CROCC2: variants seen among roughly 807,000 people sequenced by gnomAD.
CROCC2 encodes ciliary rootlet coiled-coil, rootletin family member 2, also known as ciliary rootlet coiled-coil protein 2.
Under a neutral mutation model 177.6 loss-of-function variants are expected in CROCC2, and 163 were observed. The ratio of observed to expected loss-of-function variants is 0.92; its 90% CI spans 0.81 to 1.05. The LOEUF (loss-of-function observed/expected upper bound fraction) is 1.05, where lower values mean the gene tolerates loss of function less well. Among genes scored for constraint, CROCC2 ranks in the 50% least tolerant of loss-of-function variants. The pLI is 0.00. For missense variants in CROCC2, 1,929 were observed against 1,797.8 expected, an observed-to-expected ratio of 1.07 and a Z score of -1.32; for synonymous variants, 904 against 787.3, an observed-to-expected ratio of 1.15 and a Z score of -2.48.
At chr2:240,957,790 C>A (rs77806370) in intron 19 of CROCC2, among the ~76,000 whole-genome samples, 1 of 152,112 alleles carries the variant, frequency 6.6e-6, no homozygotes, top group African/African-American at 2.4e-5. Context: ...GCCCCTGAGG[C>A]CTGGAGGGTT....
chr2:240,983,725 C>T (rs2059818053), intron 28 of CROCC2: 5 of 860,366 alleles, frequency 5.8e-6, no homozygotes, highest in Non-Finnish European at 6.5e-6. Flanking sequence ...TCAGGACGCC[C>T]GCAGGTGGCC....
chr2:240,992,925 G>T, intron 31 of CROCC2, 141 bp from the exon 32 acceptor site: 1 of 619,888 alleles, frequency 1.6e-6, no homozygotes, highest in Non-Finnish European at 3.0e-6. Context: ...GGATGGCCAG[G>T]GCGGGAGGGA....
At position 240,973,550 on chromosome 2, in the gene CROCC2, C is replaced by T. The variant is rs903959901; in HGVS notation, c.4401+5288C>T. The stretch of plus-strand genomic sequence containing the variant: ...ACTGTGCCCACGTGCCACACCCACC[C>T]CCCCAGCTCCCCACATCCCCAGTGC... On this transcript the variant is annotated intron_variant, in intron 27 of 31. Coordinates refer to ENST00000690015, the MANE Select transcript of CROCC2 (RefSeq NM_001351305.2). This position sits in a 1 kb window ranked among gnomAD's most constrained non-coding sequence, Gnocchi z 4.7. 6.6e-6 allele frequency among the ~76,000 whole-genome samples: 1 copy of T among 152,172 alleles called. No individual in the cohort carries two copies. The highest frequency in any genetic ancestry group is 1.5e-5 in the Non-Finnish European group (1 of 68,036).
rs2059331876 is a variant in CROCC2, at chr2:240,918,099, T to C, written c.79-627T>C. Among the ~76,000 whole-genome samples the C allele has an allele frequency of 6.6e-6, 1 of 152,184 alleles. No individual in the cohort carries two copies. Among genetic ancestry groups the C allele is most frequent in the Non-Finnish European group, 1.5e-5 (1 of 68,038 alleles). ...GCCCACTTCTGGGCCTATTGGAGCC[T>C]CTTCCCTGGCAGTCGGCTTTCATGA... is the stretch of plus-strand genomic sequence containing the variant. On this transcript the variant is annotated intron_variant, in intron 1 of 31. Transcript: ENST00000690015. This position sits in a 1 kb window ranked among gnomAD's most constrained non-coding sequence, Gnocchi z 6.3.
At chr2:240,986,449 C>T (rs1002337952) in intron 28 of CROCC2, among the ~76,000 whole-genome samples, 1 of 152,102 alleles carries the variant, frequency 6.6e-6, no homozygotes, top group African/African-American at 2.4e-5. Context: ...AGAGTGGCCG[C>T]CAAGATCAAG....
chr2:240,911,806 T>C (rs1022504130), intron 1 of CROCC2, among the ~76,000 whole-genome samples: 3 of 152,184 alleles, frequency 2.0e-5, no homozygotes, highest in Non-Finnish European at 4.4e-5. Flanking sequence ...ACCCATGTTG[T>C]AGCAGGCGCC....
At chr2:240,967,590 G>A (rs1347369602) in intron 26 of CROCC2, 125 bp downstream of exon 26, 4 of 1,485,910 alleles carry the variant, frequency 2.7e-6, no homozygotes, top group East Asian at 2.5e-5. Flanking sequence ...GGGAGCCTGG[G>A]GGCAACACCC....
chr2:240,914,535 C>T (rs1408981070), intron 1 of CROCC2, among the ~76,000 whole-genome samples: 2 of 152,238 alleles, frequency 1.3e-5, no homozygotes, highest in Admixed American at 6.5e-5. Context: ...CAGCGCTCCT[C>T]GCGGCCACAC....
chr2:240,925,879 A>C lies in CROCC2; in HGVS notation c.644A>C (p.Gln215Pro). 9.8e-6 allele frequency: 7 copies of C among 711,702 alleles called. No individual in the cohort carries two copies. Among genetic ancestry groups the C allele is most frequent in the Non-Finnish European group, 1.8e-5 (7 of 382,866 alleles). The allele number at this position is 711,702 out of a possible 1,614,324, so 44.1% of individuals were successfully genotyped here. ...GAGCTGAGGCGCTGGGCCCAGAGACAGGTGCTCCCCCAACCCTTGCTCACC... is the reference window on the plus strand; with the variant it reads ...GAGCTGAGGCGCTGGGCCCAGAGACCGGTGCTCCCCCAACCCTTGCTCACC... ...ELELRRWAQR[Q>P]TRSGGLGQPR... Residue 215 changes from glutamine (Q) to proline (P), a missense_variant and splice_region_variant, in exon 5 of 32, where the codon CAG becomes CCG. Physicochemically the swap from Gln to Pro is moderately conservative, Grantham distance 76. Coordinates refer to ENST00000690015, the MANE Select transcript of CROCC2 (RefSeq NM_001351305.2).
intron 7 of CROCC2, 98 bp downstream of exon 7, chr2:240,931,226 C>A (rs1420576851): frequency 3.2e-6 from 2 of 616,068 alleles, no homozygotes; most frequent in Non-Finnish European, 2.9e-6. Context: ...TGTGGTCACA[C>A]CGTTCCAGGG....
intron 20 of CROCC2, among the ~76,000 whole-genome samples, chr2:240,962,958 C>T (rs968413254): frequency 3.9e-5 from 6 of 152,196 alleles, no homozygotes; most frequent in African/African-American, 9.6e-5. Flanking sequence ...CCACTGCCCC[C>T]CCATTGCCAG....
At chr2:240,934,128 C>T (rs539933217) in intron 11 of CROCC2, among the ~76,000 whole-genome samples, 1,634 of 152,232 alleles carry the variant, frequency 0.011, 11 homozygotes, top group South Asian at 0.031. Flanking sequence ...CCCGTCCCCC[C>T]GGAGGCACTT....
chr2:240,976,132 C>A (rs538266329), intron 27 of CROCC2, among the ~76,000 whole-genome samples: 1 of 152,240 alleles, frequency 6.6e-6, no homozygotes, highest in Non-Finnish European at 1.5e-5. Context: ...GCTCCAAGAC[C>A]GGGCTCATCC....
At position 240,967,585 on chromosome 2, in the gene CROCC2, CCTGGGGG is replaced by C. The variant is rs1280534447; in HGVS notation, c.4267+122_4267+128del. The C allele has an allele frequency of 3.4e-6, 5 of 1,488,124 alleles. No homozygotes were observed. The African/African-American group carries it at 5.6e-5, about 17-fold the overall frequency. The allele number at this position is 1,488,124 out of a possible 1,614,324, so 92.2% of individuals were successfully genotyped here. ...CTGGGGCAGCTCGGTGGGAAGGGAG[CCTGGGGG>C]CAACACCCAAACCACCAGGCCTGGC... On this transcript the variant is annotated intron_variant, in intron 26 of 31. Coordinates refer to ENST00000690015, the MANE Select transcript of CROCC2 (RefSeq NM_001351305.2).
In CROCC2 at chr2:240,949,156, G is replaced by A; in HGVS notation, c.2482+59G>A. 6.8e-7 allele frequency: 1 copy of A among 1,472,912 alleles called. No individual in the cohort carries two copies. The highest frequency in any genetic ancestry group is 9.0e-7 in the Non-Finnish European group (1 of 1,114,678). The allele number at this position is 1,472,912 out of a possible 1,614,324, so 91.2% of individuals were successfully genotyped here. A position where few individuals can be genotyped will look rare whatever the true frequency, so the allele number is the denominator to read the frequency against. Reference sequence around the variant, plus strand: ...GAAAGTCAGCCATGGAGGGGCCCCTGGAATGGAGCTCAGTGCCCACACGTG... The same window carrying A: ...GAAAGTCAGCCATGGAGGGGCCCCTAGAATGGAGCTCAGTGCCCACACGTG... On this transcript the variant is annotated intron_variant, in intron 16 of 31. Transcript: ENST00000690015. The surrounding 1 kb of genome is among the most constrained non-coding windows in gnomAD (Gnocchi z 4.5).
At chr2:240,922,811 G>A (rs2059365425) in intron 4 of CROCC2, among the ~76,000 whole-genome samples, 166 bp downstream of exon 4, 2 of 152,204 alleles carry the variant, frequency 1.3e-5, no homozygotes, top group Admixed American at 6.5e-5. Context: ...TGGCAGGGCA[G>A]GGCAGGGGGC....
In CROCC2 at chr2:240,949,935, G is replaced by A. The variant is rs1434994215; in HGVS notation, c.2652+233G>A. Among the ~76,000 whole-genome samples the A allele has an allele frequency of 6.6e-6, 1 of 152,204 alleles. No individual in the cohort carries two copies. Among genetic ancestry groups the A allele is most frequent in the African/African-American group, 2.4e-5 (1 of 41,456 alleles). On this transcript the variant is annotated intron_variant, in intron 17 of 31. Transcript: ENST00000690015. The surrounding 1 kb of genome is among the most constrained non-coding windows in gnomAD (Gnocchi z 4.5). ...GTATTTGGGGCGGGCCTCCCTCATGGAAGAGGCTGGAAGGGCTGCTGGCTG... is the reference window on the plus strand; with the variant it reads ...GTATTTGGGGCGGGCCTCCCTCATGAAAGAGGCTGGAAGGGCTGCTGGCTG...
intron 3 of CROCC2, among the ~76,000 whole-genome samples, chr2:240,921,619 A>G (rs1043766552): frequency 6.6e-6 from 1 of 152,210 alleles, no homozygotes; most frequent in African/African-American, 2.4e-5. Flanking sequence ...TGTGGGTGCC[A>G]GGAGGCTGGG....
chr2:240,921,475 G>A (rs886820497), intron 3 of CROCC2, among the ~76,000 whole-genome samples: 1 of 152,208 alleles, frequency 6.6e-6, no homozygotes, highest in Non-Finnish European at 1.5e-5. Flanking sequence ...ACAGGGTGGG[G>A]AGATGTTGGG....
Sources: allele counts gnomAD v4.1 joint callset (sites outside exome capture counted in the v4.1 genomes callset), GRCh38; gene constraint gnomAD v4.1.1; non-coding constraint Gnocchi (gnomAD v3.1); transcripts MANE v1.5; gene names NCBI Gene and HGNC (gene_info 2026-07-23, HGNC 2026-07-21).